DPP10: variants seen among roughly 807,000 people sequenced by gnomAD.
DPP10 encodes the protein dipeptidyl peptidase like 10, also known as inactive dipeptidyl peptidase 10.
DPP10 carries 33 observed loss-of-function variants against 120.9 expected under a neutral mutation model. That is an observed-to-expected ratio of 0.27 (90% CI 0.21 to 0.37). The LOEUF (loss-of-function observed/expected upper bound fraction) is 0.37, where lower values mean the gene tolerates loss of function less well. Ranked by LOEUF, DPP10 falls within the 10% of genes least tolerant of loss-of-function variation. The probability of loss-of-function intolerance (pLI) is 1.00; values close to 1 mark genes in which losing one functional copy is unlikely to be tolerated. For synonymous variants in DPP10, 337 were observed against 326.1 expected, an observed-to-expected ratio of 1.03 and a Z score of -0.36; for missense variants, 816 against 942.8, an observed-to-expected ratio of 0.87 and a Z score of 1.76.
chr2:115,248,426 C>T (rs900483954), intron 1 of DPP10, among the ~76,000 whole-genome samples: 8 of 151,642 alleles, frequency 5.3e-5, no homozygotes, highest in African/African-American at 1.9e-4. Context: ...TTTTAAGGGG[C>T]CTCTCTGACT....
intron 1 of DPP10, among the ~76,000 whole-genome samples, chr2:115,162,485 T>G (rs1291564621): frequency 2.6e-5 from 4 of 152,286 alleles, no homozygotes; most frequent in African/African-American, 7.2e-5. Context: ...GCGAATGACC[T>G]TTAGGCGGAC....
At position 115,780,967 on chromosome 2, in the gene DPP10, G is replaced by C. The variant is rs765015688; in HGVS notation, c.1455G>C (p.Met485Ile). Reference sequence around the variant, plus strand: ...ATTTTGATGCCAGTTTTAGTCCCATGAATCAACATTTCTTATTATTCTGTG... The same window carrying C: ...ATTTTGATGCCAGTTTTAGTCCCATCAATCAACATTTCTTATTATTCTGTG... ...CTYFDASFSP[M>I]NQHFLLFCEG... is the part of the protein sequence containing the mutation. Residue 485 changes from methionine (M) to isoleucine (I), a missense_variant, in exon 16 of 26, where the codon ATG becomes ATC. Around this residue, in one of 3 missense-constraint regions of DPP10, gnomAD observed 592 missense variants for 649.0 expected, o/e 0.91. Coordinates refer to ENST00000410059, the MANE Select transcript of DPP10 (RefSeq NM_020868.6). 12 of 1,591,654 alleles carry C rather than the reference G, an allele frequency of 7.5e-6. No homozygotes were observed. In the East Asian group the frequency reaches 2.5e-4, roughly 33 times the overall value.
intron 13 of DPP10, among the ~76,000 whole-genome samples, chr2:115,771,927 C>G (rs897298752): frequency 6.6e-6 from 1 of 151,850 alleles, no homozygotes; most frequent in African/African-American, 2.4e-5. Flanking sequence ...AGAGACCAAG[C>G]TAGACAATTA....
At chr2:115,553,369 T>G (rs2079996373) in intron 5 of DPP10, among the ~76,000 whole-genome samples, 1 of 141,758 alleles carries the variant, frequency 7.1e-6, no homozygotes, top group South Asian at 2.2e-4. Context: ...ATTAGATTCA[T>G]AAATGAAAAT....
chr2:114,675,250 T>C (rs947107782), intron 1 of DPP10, among the ~76,000 whole-genome samples: 2 of 152,144 alleles, frequency 1.3e-5, no homozygotes, highest in African/African-American at 4.8e-5. Flanking sequence ...CTGGATAATT[T>C]GCAGAAAAGT....
chr2:115,607,664 A>G (rs1170206203), intron 5 of DPP10, among the ~76,000 whole-genome samples: 2 of 152,212 alleles, frequency 1.3e-5, no homozygotes, highest in African/African-American at 2.4e-5. Flanking sequence ...CTGTTCCATT[A>G]GATTGTATGC....
At chr2:115,463,528 C>T (rs188717209) in intron 3 of DPP10, among the ~76,000 whole-genome samples, 12 of 152,248 alleles carry the variant, frequency 7.9e-5, no homozygotes, top group Non-Finnish European at 2.9e-5. Context: ...TACATAAACA[C>T]ATATCTGTCC....
intron 5 of DPP10, among the ~76,000 whole-genome samples, chr2:115,660,082 C>T (rs1175460718): frequency 2.0e-5 from 3 of 152,176 alleles, no homozygotes; most frequent in African/African-American, 7.2e-5. Context: ...TCACAATCAA[C>T]ATGCTCAGCA....
intron 5 of DPP10, among the ~76,000 whole-genome samples, chr2:115,542,896 G>C (rs1238393694): frequency 6.6e-6 from 1 of 151,668 alleles, no homozygotes; most frequent in African/African-American, 2.4e-5. Context: ...TTTTATAATA[G>C]AAAAATAGTT....
rs572094957 is a variant in DPP10, at chr2:114,517,931, C to T, written c.60+75093C>T. 3.3e-5 allele frequency among the ~76,000 whole-genome samples: 5 copies of T among 152,188 alleles called. No homozygotes were observed. The East Asian group carries it at 7.7e-4, about 24-fold the overall frequency. ...CAATGTTTCTATAGGCAGTCATTGG[C>T]CTTTCGTCTTCGTCTTCTGCACCGA... On this transcript the variant is annotated intron_variant, in intron 1 of 25. Transcript: ENST00000410059.
intron 3 of DPP10, among the ~76,000 whole-genome samples, chr2:115,400,833 G>A (rs11898586): frequency 0.011 from 1,689 of 152,290 alleles, 28 homozygotes; most frequent in African/African-American, 0.039. Context: ...CACGTCAATA[G>A]AGTCAGCAAG....
rs962345356 is a variant in DPP10 at position 115,789,127 on chromosome 2, T to A, written c.1532-1954T>A. ...AATGAGACTCCGTCTCAAAAAAAAA[T>A]AAAAAATAAAAAATAAGGCGAGTAT... On this transcript the variant is annotated intron_variant, in intron 17 of 25. Coordinates refer to ENST00000410059, the MANE Select transcript of DPP10 (RefSeq NM_020868.6). 4.6e-5 allele frequency among the ~76,000 whole-genome samples: 7 copies of A among 151,216 alleles called. No individual in the cohort carries two copies. In the South Asian group the frequency reaches 6.3e-4, roughly 14 times the overall value.
chr2:115,545,242 T>C (rs1457708292), intron 5 of DPP10, among the ~76,000 whole-genome samples: 1 of 152,202 alleles, frequency 6.6e-6, no homozygotes, highest in Non-Finnish European at 1.5e-5. Flanking sequence ...TTTCAAATAC[T>C]AATTACCTTG....
intron 5 of DPP10, among the ~76,000 whole-genome samples, chr2:115,657,393 G>A (rs560136416): frequency 1.1e-4 from 16 of 151,744 alleles, no homozygotes; most frequent in South Asian, 4.1e-4. Flanking sequence ...CTCTGCAATC[G>A]ACAAAAATAC....
chr2:114,885,782 C>T (rs1290974833), intron 1 of DPP10, among the ~76,000 whole-genome samples: 3 of 152,110 alleles, frequency 2.0e-5, no homozygotes, highest in Non-Finnish European at 2.9e-5. Context: ...TAGAATATTA[C>T]GATTTAGCAC....
At chr2:115,289,341 T>G (rs954846496) in intron 1 of DPP10, among the ~76,000 whole-genome samples, 2 of 151,968 alleles carry the variant, frequency 1.3e-5, no homozygotes, top group African/African-American at 4.8e-5. Context: ...CCCATGCTCA[T>G]GCATTGGAAG....
chr2:115,762,689 A>G, intron 12 of DPP10, 79 bp downstream of exon 12: 8 of 1,530,262 alleles, frequency 5.2e-6, no homozygotes, highest in Non-Finnish European at 7.2e-6. Flanking sequence ...AACTTTCTGT[A>G]AAAAGTATGA....
At chr2:115,585,166 T>C (rs2082213852) in intron 5 of DPP10, among the ~76,000 whole-genome samples, 1 of 152,180 alleles carries the variant, frequency 6.6e-6, no homozygotes, top group African/African-American at 2.4e-5. Flanking sequence ...AAAATATTGC[T>C]TGTCAAATTC....
chr2:114,637,778 A>G (rs1382115913), intron 1 of DPP10, among the ~76,000 whole-genome samples: 1 of 151,776 alleles, frequency 6.6e-6, no homozygotes, highest in Non-Finnish European at 1.5e-5. Flanking sequence ...CAACTTTGTC[A>G]AAGATCAGAT....
Sources: allele counts gnomAD v4.1 joint callset (sites outside exome capture counted in the v4.1 genomes callset), GRCh38; gene constraint gnomAD v4.1.1; regional missense constraint gnomAD v4.1.1; transcripts MANE v1.5; gene names NCBI Gene and HGNC (gene_info 2026-07-23, HGNC 2026-07-21).